Variants in SRCAP observed in about 807,000 individuals in gnomAD.
The protein encoded by SRCAP is Snf2 related CREBBP activator protein, also known as chromatin remodeling protein SRCAP.
In SRCAP, 46 loss-of-function variants were observed where a neutral mutation model predicts 263.1. The observed-to-expected ratio is 0.17, with a 90% CI of 0.14 to 0.22. The LOEUF (loss-of-function observed/expected upper bound fraction) is 0.22. Ranked by LOEUF, SRCAP falls within the 10% of genes least tolerant of loss-of-function variation. The probability of loss-of-function intolerance (pLI) is 1.00; values close to 1 mark genes in which losing one functional copy is unlikely to be tolerated. For synonymous variants in SRCAP, 1,813 were observed against 1,662.1 expected (o/e 1.09, Z -2.21); for missense variants, 3,695 against 4,181.9 (o/e 0.88, Z 3.21).
In SRCAP at chr16:30,733,693, C is replaced by G. The variant is rs978769922; in HGVS notation, c.6389C>G (p.Ala2130Gly). 3.1e-5 allele frequency: 50 copies of G among 1,614,152 alleles called. No homozygotes were observed. Among genetic ancestry groups the G allele is most frequent in the Non-Finnish European group, 4.2e-5 (50 of 1,180,042 alleles). Residue 2130 changes from alanine (A) to glycine (G), a missense_variant, in exon 29 of 34, where the codon GCA becomes GGA. Ala to Gly is a moderately conservative substitution (Grantham distance 60). Coordinates refer to ENST00000262518, the MANE Select transcript of SRCAP (RefSeq NM_006662.3). This position sits in a 1 kb window ranked among gnomAD's most constrained non-coding sequence, Gnocchi z 5.3. ...GGTGTGGGCGTGAACCTGACAGGAGCAGACACTGTTGTTTTTTATGACAGC... is the reference window on the plus strand; with the variant it reads ...GGTGTGGGCGTGAACCTGACAGGAGGAGACACTGTTGTTTTTTATGACAGC... ...SGGVGVNLTG[A>G]DTVVFYDSDW...
intron 27 of SRCAP, among the ~76,000 whole-genome samples, chr16:30,730,677 A>G (rs1177499161): frequency 1.4e-5 from 2 of 143,470 alleles, no homozygotes; most frequent in Non-Finnish European, 3.0e-5. Context: ...TGATCTGCCC[A>G]CCTTGGCCTC....
Position 30,738,495 on chromosome 16 carries a change from A to G in SRCAP, c.8455A>G (p.Thr2819Ala), listed in dbSNP as rs779992354. Residue 2819 changes from threonine (T) to alanine (A), a missense_variant, in exon 34 of 34, where the codon ACT becomes GCT. This residue lies in a region of SRCAP where 1,207 missense variants were observed against 1,142.9 expected (regional missense o/e 1.06). Coordinates refer to ENST00000262518, the MANE Select transcript of SRCAP (RefSeq NM_006662.3). ...CEAAPSSSLPTPPQQPFIARR... is the reference protein window; with the variant it reads ...CEAAPSSSLPAPPQQPFIARR... ...AGCTGCTCCTTCATCCTCACTGCCCACTCCACCCCAGCAGCCCTTCATTGC... is the reference window on the plus strand; with the variant it reads ...AGCTGCTCCTTCATCCTCACTGCCCGCTCCACCCCAGCAGCCCTTCATTGC... The G allele has an allele frequency of 3.3e-5, 53 of 1,604,562 alleles. No homozygotes were observed. The highest frequency in any genetic ancestry group is 4.3e-5 in the Non-Finnish European group (51 of 1,175,522).
At chr16:30,725,230 C>T in intron 25 of SRCAP, 148 bp downstream of exon 25, 1 of 1,401,404 alleles carries the variant, frequency 7.1e-7, no homozygotes, top group Non-Finnish European at 9.3e-7. Flanking sequence ...TTGGACAAGT[C>T]CCTTCTCTTC....
At chr16:30,730,643 G>C (rs1031819057) in intron 27 of SRCAP, among the ~76,000 whole-genome samples, 1 of 151,896 alleles carries the variant, frequency 6.6e-6, no homozygotes, top group Admixed American at 6.6e-5. Flanking sequence ...TGTTGGTCAG[G>C]CTGGTCTCGA....
chr16:30,721,378 C>G lies in SRCAP; in HGVS notation c.3443C>G (p.Ser1148Cys). 1 of 1,614,092 alleles carries G rather than the reference C, an allele frequency of 6.2e-7. No homozygotes were observed. The change falls in exon 21 of 34, where the codon TCT (serine) becomes TGT (cysteine). Residue 1148 changes from serine to cysteine, a missense_variant. By Grantham distance (112) the Ser-to-Cys change is moderately radical. Transcript: ENST00000262518. Reference sequence around the variant, plus strand: ...CCTCCTGCTGCTGCCACCACCACTTCTACCACCACGGCAACTGCTACCACC... The same window carrying G: ...CCTCCTGCTGCTGCCACCACCACTTGTACCACCACGGCAACTGCTACCACC... ...TFPPAAATTTSTTTATATTTA... is the reference protein window; with the variant it reads ...TFPPAAATTTCTTTATATTTA...
At position 30,709,640 on chromosome 16, in the gene SRCAP, C is replaced by T; in HGVS notation, c.761C>T (p.Pro254Leu). The T allele has an allele frequency of 6.2e-7, 1 of 1,614,180 alleles. No individual in the cohort carries two copies. Among genetic ancestry groups the T allele is most frequent in the Non-Finnish European group, 8.5e-7 (1 of 1,180,032 alleles). ...CTTCTGTCTCAGAGCCTCAACCAGC[C>T]ATTAACCTCCAGCAAAGCAGGCTCT... ...SDLLSQSLNQ[P>L]LTSSKAGSSP... The change falls in exon 7 of 34, where the codon CCA (proline) becomes CTA (leucine). Residue 254 changes from proline to leucine, a missense_variant. By Grantham distance (98) the Pro-to-Leu change is moderately conservative. This residue lies in a region of SRCAP where 107 missense variants were observed against 223.8 expected (regional missense o/e 0.48). Transcript: ENST00000262518.
At chr16:30,710,888 G>T in intron 9 of SRCAP, 41 bp downstream of exon 9, 2 of 1,608,854 alleles carry the variant, frequency 1.2e-6, no homozygotes, top group South Asian at 1.1e-5. Context: ...CTTACCCCTT[G>T]AATGAATTGT....
At position 30,710,134 on chromosome 16, in the gene SRCAP, G is replaced by GGCAGAAGGA; in HGVS notation, c.1134+12_1134+20dup. 1.2e-6 allele frequency: 2 copies of GGCAGAAGGA among 1,611,384 alleles called. No individual in the cohort carries two copies. The highest frequency in any genetic ancestry group is 3.3e-5 in the Admixed American group (2 of 59,882). On this transcript the variant is annotated splice_region_variant and intron_variant, in intron 8 of 33. Transcript: ENST00000262518. ...AGCCCCCTCAGGTGTTGGAGGTATAGGCAGAAGGAGCAGAGGGAGGGTTCA... is the reference window on the plus strand; with the variant it reads ...AGCCCCCTCAGGTGTTGGAGGTATAGGCAGAAGGAGCAGAAGGAGCAGAGGGAGGGTTCA...
intron 3 of SRCAP, chr16:30,701,504 A>G (rs1422212356): frequency 7.2e-5 from 11 of 152,318 alleles, no homozygotes; most frequent in African/African-American, 2.2e-4. Context: ...GAAATTTGTG[A>G]CATACAGTCT....
chr16:30,730,515 TC>T (rs1037445288), intron 27 of SRCAP, among the ~76,000 whole-genome samples: 5 of 152,134 alleles, frequency 3.3e-5, no homozygotes, highest in Admixed American at 6.5e-5. Flanking sequence ...CACTGCAACT[TC>T]CGCCTCCTGG....
Position 30,713,384 on chromosome 16 carries a change from A to T in SRCAP, c.2300+7A>T. 6.2e-7 allele frequency: 1 copy of T among 1,614,078 alleles called. No homozygotes were observed. The highest frequency in any genetic ancestry group is 1.7e-5 in the Admixed American group (1 of 60,002). On this transcript the variant is annotated splice_region_variant and intron_variant, in intron 15 of 33. Transcript: ENST00000262518. The stretch of plus-strand genomic sequence containing the variant: ...CACTCCTCAACTTCAACAGGTGGAG[A>T]TGGAGATGGGGATTCATGGGAGGGT...
chr16:30,729,676 G>A (rs896312027), intron 27 of SRCAP, 104 bp downstream of exon 27: 5 of 1,401,210 alleles, frequency 3.6e-6, no homozygotes, highest in Admixed American at 3.9e-5. Context: ...TGCGATTTCT[G>A]TAAAGCTTTA....
At position 30,728,723 on chromosome 16, in the gene SRCAP, A is replaced by G. The variant is rs1022100165; in HGVS notation, c.5659-243A>G. Reference sequence around the variant, plus strand: ...ATACAAGGAAAGATCAGTTTTCTCTAGGAGAGAAGTTACTTAACATAACTT... The same window carrying G: ...ATACAAGGAAAGATCAGTTTTCTCTGGGAGAGAAGTTACTTAACATAACTT... On this transcript the variant is annotated intron_variant, in intron 25 of 33. Coordinates refer to ENST00000262518, the MANE Select transcript of SRCAP (RefSeq NM_006662.3). 5.9e-5 allele frequency among the ~76,000 whole-genome samples: 9 copies of G among 152,358 alleles called. No individual in the cohort carries two copies. The East Asian group carries it at 1.2e-3, about 20-fold the overall frequency.
At chr16:30,725,104 G>A in intron 25 of SRCAP, 22 bp downstream of exon 25, 1 of 1,582,666 alleles carries the variant, frequency 6.3e-7, no homozygotes. Context: ...TTCCTCAAGA[G>A]GGAACAGGAA....
In SRCAP at chr16:30,739,043, C is replaced by G. The variant is rs766111054; in HGVS notation, c.9003C>G (p.Ser3001=). 2.5e-5 allele frequency: 41 copies of G among 1,614,088 alleles called. No individual in the cohort carries two copies. The highest frequency in any genetic ancestry group is 2.5e-4 in the South Asian group (23 of 91,090). The change falls in exon 34 of 34, where the codon TCC becomes TCG. Residue 3001 remains serine (S), a synonymous_variant. Transcript: ENST00000262518. ...TCACCACTGTCACCATTTCAACGTC[C>G]CCACCCAAACGGAAGAGGGGCCGAC... ...NTVTTVTIST[S]PPKRKRGRPP...
rs774033129 is a variant in SRCAP at position 30,724,696 on chromosome 16, T to A, written c.5272T>A (p.Ser1758Thr). ...LAPAPPLAPA[S>T]PVGPAPAHTL... ...TCCAGCACCCCCTCTGGCTCCAGCT[T>A]CTCCAGTGGGCCCAGCCCCAGCTCA... Residue 1758 changes from serine to threonine, a missense_variant, in exon 25 of 34, where the codon TCT becomes ACT. Coordinates refer to ENST00000262518, the MANE Select transcript of SRCAP (RefSeq NM_006662.3). The A allele has an allele frequency of 1.2e-5, 20 of 1,613,776 alleles. No homozygotes were observed. The highest frequency in any genetic ancestry group is 1.7e-5 in the Admixed American group (1 of 60,002).
Position 30,739,851 on chromosome 16 carries a change from C to A in SRCAP, c.*118C>A. On this transcript the variant is annotated 3_prime_UTR_variant, in exon 34 of 34. Transcript: ENST00000262518. ...GAAAGCCTCCAGGGAGACATAGGGG[C>A]CTTCTCCCTTCTTCCCACCAAAGTA... 7.2e-7 allele frequency: 1 copy of A among 1,385,162 alleles called. No individual in the cohort carries two copies. The highest frequency in any genetic ancestry group is 2.7e-5 in the East Asian group (1 of 37,000). The allele number at this position is 1,385,162 out of a possible 1,614,324, so 85.8% of individuals were successfully genotyped here.
In SRCAP at chr16:30,739,123, A is replaced by G. The variant is rs748086743; in HGVS notation, c.9083A>G (p.Asp3028Gly). The G allele has an allele frequency of 5.0e-6, 8 of 1,614,206 alleles. No individual in the cohort carries two copies. Among genetic ancestry groups the G allele is most frequent in the Non-Finnish European group, 6.8e-6 (8 of 1,180,038 alleles). Residue 3028 changes from aspartate (D) to glycine (G), a missense_variant, in exon 34 of 34, where the codon GAC becomes GGC. Asp to Gly is a moderately conservative substitution (Grantham distance 94). Transcript: ENST00000262518. ...AGCCAGCTCCCCGTCTTGGACCGTGACAGCACTTCTGTTCTCGAGAGCTGT... is the reference window on the plus strand; with the variant it reads ...AGCCAGCTCCCCGTCTTGGACCGTGGCAGCACTTCTGTTCTCGAGAGCTGT... ...RPSQLPVLDR[D>G]STSVLESCGL...
chr16:30,703,594 C>T (rs972200883), intron 3 of SRCAP, among the ~76,000 whole-genome samples: 1 of 151,638 alleles, frequency 6.6e-6, no homozygotes, highest in Non-Finnish European at 1.5e-5. Flanking sequence ...TCTTGAGTCC[C>T]TTATTAAAAC....
Sources: gnomAD v4.1 joint callset for allele counts (sites outside exome capture counted in the v4.1 genomes callset) on GRCh38, gnomAD v4.1.1 for gene constraint, gnomAD v4.1.1 regional missense constraint, Gnocchi (gnomAD v3.1) non-coding constraint, MANE v1.5 for transcripts, NCBI Gene and HGNC (gene_info 2026-07-23, HGNC 2026-07-21) for gene names.